Variants in LYRM7 observed in about 807,000 individuals in gnomAD.
The protein encoded by LYRM7 is complex III assembly factor LYRM7.
A neutral mutation model predicts 15.8 loss-of-function variants in LYRM7; 9 were observed. The ratio of observed to expected loss-of-function variants is 0.57; its 90% CI spans 0.34 to 0.99. The LOEUF (loss-of-function observed/expected upper bound fraction) is 0.99. Among genes scored for constraint, LYRM7 ranks in the 50% least tolerant of loss-of-function variants. The probability of loss-of-function intolerance (pLI) is 0.02; values close to 1 mark genes in which losing one functional copy is unlikely to be tolerated. For synonymous variants in LYRM7, 39 were observed against 39.4 expected, an observed-to-expected ratio of 0.99 and a Z score of 0.04; for missense variants, 115 against 119.1, an observed-to-expected ratio of 0.97 and a Z score of 0.16.
chr5:131,193,321 T>TA (rs1237750269), intron 4 of LYRM7, among the ~76,000 whole-genome samples: 1 of 152,182 alleles, frequency 6.6e-6, no homozygotes, highest in Non-Finnish European at 1.5e-5. Flanking sequence ...CAGTGGAACT[T>TA]AGAGTGCTGT....
At chr5:131,184,519 C>A (rs1755762373) in intron 3 of LYRM7, among the ~76,000 whole-genome samples, 1 of 151,966 alleles carries the variant, frequency 6.6e-6, no homozygotes, top group Non-Finnish European at 1.5e-5. Flanking sequence ...TTTTTTAATA[C>A]TACGCCTTGA....
chr5:131,182,118 G>A, intron 2 of LYRM7, 111 bp from the exon 3 acceptor site: 1 of 969,380 alleles, frequency 1.0e-6, no homozygotes, highest in Non-Finnish European at 1.4e-6. Flanking sequence ...TTTCATGAGG[G>A]CAATTTCTAT....
At chr5:131,197,594 T>C (rs1755987576) in intron 4 of LYRM7, among the ~76,000 whole-genome samples, 1 of 131,802 alleles carries the variant, frequency 7.6e-6, no homozygotes, top group Admixed American at 9.4e-5. Context: ...CAGGCTGGAG[T>C]GCAGTAGCAT....
intron 3 of LYRM7, 52 bp downstream of exon 3, chr5:131,182,351 G>C (rs1456910722): frequency 2.3e-6 from 3 of 1,283,468 alleles, no homozygotes; most frequent in East Asian, 6.3e-5. Flanking sequence ...TCTTGTCAAA[G>C]AGGAAATGAT....
intron 1 of LYRM7, among the ~76,000 whole-genome samples, chr5:131,174,671 C>A (rs1755570607): frequency 6.6e-6 from 1 of 152,110 alleles, no homozygotes; most frequent in African/African-American, 2.4e-5. Context: ...CATGGCAAAA[C>A]CTGTCTCTAC....
At chr5:131,196,326 C>T (rs1459719075) in intron 4 of LYRM7, among the ~76,000 whole-genome samples, 1 of 151,778 alleles carries the variant, frequency 6.6e-6, no homozygotes, top group Non-Finnish European at 1.5e-5. Flanking sequence ...TTCTCCTGTT[C>T]TTTTTTACTA....
At position 131,187,121 on chromosome 5, in the gene LYRM7, T is replaced by A; in HGVS notation, c.244+12T>A. On this transcript the variant is annotated intron_variant, in intron 4 of 4. Transcript: ENST00000379380. ...CCACAATACACTGAGTAAGTAAAATTAAAGAAAAATGGTTTCTAACTGCAA... is the reference window on the plus strand; with the variant it reads ...CCACAATACACTGAGTAAGTAAAATAAAAGAAAAATGGTTTCTAACTGCAA... The A allele has an allele frequency of 7.2e-7, 1 of 1,392,048 alleles. No individual in the cohort carries two copies. The highest frequency in any genetic ancestry group is 1.3e-5 in the South Asian group (1 of 77,942). The allele number at this position is 1,392,048 out of a possible 1,614,324, so 86.2% of individuals were successfully genotyped here.
Position 131,204,814 on chromosome 5 carries a change from T to C in LYRM7, c.*5213T>C, listed in dbSNP as rs1756148132. 1 of 152,204 alleles carries C rather than the reference T, an allele frequency of 6.6e-6. No individual in the cohort carries two copies. The highest frequency in any genetic ancestry group is 1.5e-5 in the Non-Finnish European group (1 of 68,012). 9.4% of individuals were successfully genotyped at this position (152,204 alleles called of 1,614,324 possible). On this transcript the variant is annotated 3_prime_UTR_variant, in exon 5 of 5. Transcript: ENST00000379380. ...TATACAAGAAAACTTTTTGTGTACA[T>C]ATTTGCATATATATGTACAAATGGG...
intron 3 of LYRM7, among the ~76,000 whole-genome samples, chr5:131,184,621 C>A: frequency 7.0e-6 from 1 of 141,848 alleles, no homozygotes; most frequent in African/African-American, 3.0e-5. Flanking sequence ...ATCTGTCAGA[C>A]AAATGGAATT....
At chr5:131,181,719 G>C (rs1755716823) in intron 2 of LYRM7, among the ~76,000 whole-genome samples, 1 of 151,348 alleles carries the variant, frequency 6.6e-6, no homozygotes, top group Non-Finnish European at 1.5e-5. Flanking sequence ...AATTCTCAGT[G>C]GTATATGTAA....
chr5:131,185,170 A>G (rs901749567), intron 3 of LYRM7, among the ~76,000 whole-genome samples: 2 of 151,934 alleles, frequency 1.3e-5, no homozygotes, highest in African/African-American at 2.4e-5. Flanking sequence ...TAAAAAAAGA[A>G]AAAAAAAGGC....
intron 1 of LYRM7, among the ~76,000 whole-genome samples, chr5:131,178,910 C>T (rs1311747148): frequency 1.5e-5 from 2 of 135,220 alleles, no homozygotes; most frequent in African/African-American, 5.7e-5. Context: ...TGCAGTGAGC[C>T]GAGATTGTGT....
At chr5:131,183,288 G>A (rs994430774) in intron 3 of LYRM7, among the ~76,000 whole-genome samples, 1 of 151,862 alleles carries the variant, frequency 6.6e-6, no homozygotes, top group African/African-American at 2.4e-5. Flanking sequence ...AACATGATAG[G>A]GCAAATAGGG....
At chr5:131,192,065 ACACACACACAC>A (rs1755895069) in intron 4 of LYRM7, among the ~76,000 whole-genome samples, 1 of 140,004 alleles carries the variant, frequency 7.1e-6, no homozygotes, top group African/African-American at 2.5e-5. Context: ...ACACACACAC[ACACACACACAC>A]ACACAATGCA....
At chr5:131,179,965 G>T in intron 1 of LYRM7, 130 bp from the exon 2 acceptor site, 1 of 612,122 alleles carries the variant, frequency 1.6e-6, no homozygotes, top group East Asian at 3.0e-5. Context: ...GTAGAGATGG[G>T]GGTCTCACCA....
Position 131,181,261 on chromosome 5 carries a change from G to A in LYRM7, c.92-968G>A, listed in dbSNP as rs569845884. 2.1e-3 allele frequency among the ~76,000 whole-genome samples: 172 copies of A among 81,932 alleles called. 2 individuals carry two copies. Among genetic ancestry groups the A allele is most frequent in the African/African-American group, 6.9e-3 (164 of 23,718 alleles). The allele number at this position is 81,932 out of a possible 152,430, so 53.8% of individuals were successfully genotyped here. A position where few individuals can be genotyped will look rare whatever the true frequency, so the allele number is the denominator to read the frequency against. On this transcript the variant is annotated intron_variant, in intron 2 of 4. Coordinates refer to ENST00000379380, the MANE Select transcript of LYRM7 (RefSeq NM_181705.4). ...ACTGCACTCCAGCCTGGGCGACAAA[G>A]CAAGACTCCATCTGAAAAAAAAAAA...
At position 131,200,295 on chromosome 5, in the gene LYRM7, G is replaced by A. The variant is rs1756039435; in HGVS notation, c.*694G>A. Reference sequence around the variant, plus strand: ...GCCCTTGATCAAACTATTTAATATGGCCTTAGTAGAATTAGCTGTATTTAG... The same window carrying A: ...GCCCTTGATCAAACTATTTAATATGACCTTAGTAGAATTAGCTGTATTTAG... On this transcript the variant is annotated 3_prime_UTR_variant, in exon 5 of 5. Transcript: ENST00000379380. 1 of 152,252 alleles carries A rather than the reference G, an allele frequency of 6.6e-6. No individual in the cohort carries two copies. The highest frequency in any genetic ancestry group is 2.4e-5 in the African/African-American group (1 of 41,414). 9.4% of individuals were successfully genotyped at this position (152,252 alleles called of 1,614,324 possible). A position where few individuals can be genotyped will look rare whatever the true frequency, so the allele number is the denominator to read the frequency against.
At chr5:131,199,014 A>G (rs906876211) in intron 4 of LYRM7, among the ~76,000 whole-genome samples, 1 of 152,136 alleles carries the variant, frequency 6.6e-6, no homozygotes, top group African/African-American at 2.4e-5. Context: ...ACTATGCCAG[A>G]CTGTTCCACC....
chr5:131,201,308 T>G lies in LYRM7; in HGVS notation c.*1707T>G, dbSNP rs1380656569. On this transcript the variant is annotated 3_prime_UTR_variant, in exon 5 of 5. Transcript: ENST00000379380. ...CAGCCTGGGGGACAGAGTGAGACTC[T>G]GTCTCAAAAAAAAAAAAGAAAAAAA... The G allele has an allele frequency of 3.6e-5, 5 of 138,026 alleles. No individual in the cohort carries two copies. The highest frequency in any genetic ancestry group is 8.2e-5 in the African/African-American group (3 of 36,622). The allele number at this position is 138,026 out of a possible 1,614,324, so 8.6% of individuals were successfully genotyped here.
Sources: gnomAD v4.1 joint callset for allele counts (sites outside exome capture counted in the v4.1 genomes callset) on GRCh38, gnomAD v4.1.1 for gene constraint, MANE v1.5 for transcripts, NCBI Gene and HGNC (gene_info 2026-07-23, HGNC 2026-07-21) for gene names.